The following ARHGAP24 variants were observed in gnomAD, a reference collection of about 807,000 sequenced individuals.
ARHGAP24 encodes the protein Rho GTPase activating protein 24, also known as rho GTPase-activating protein 24.
ARHGAP24 carries 50 observed loss-of-function variants against 76.4 expected under a neutral mutation model. The observed-to-expected ratio is 0.65, with a 90% CI of 0.52 to 0.83. The LOEUF is 0.83. Among genes scored for constraint, ARHGAP24 ranks in the 40% least tolerant of loss-of-function variants. ARHGAP24 has a pLI of 0.00. For synonymous variants in ARHGAP24, 345 were observed against 323.3 expected (o/e 1.07, Z -0.72); for missense variants, 930 against 914.2 (o/e 1.02, Z -0.22).
rs1333138659 is a variant in ARHGAP24 at position 85,643,224 on chromosome 4, GTTTT to G, written c.180+72507_180+72510del. The stretch of plus-strand genomic sequence containing the variant: ...GTTCTACTTTTCTTTTTTATTTTCC[GTTTT>G]TTTGTGTTTTTTTTTTTTTTTTTTT... On this transcript the variant is annotated intron_variant, in intron 2 of 9. Transcript: ENST00000395184. 3.9e-5 allele frequency among the ~76,000 whole-genome samples: 4 copies of G among 101,554 alleles called. 1 individual carries two copies. The highest frequency in any genetic ancestry group is 1.6e-4 in the African/African-American group (4 of 25,102). The allele number at this position is 101,554 out of a possible 152,430, so 66.6% of individuals were successfully genotyped here.
chr4:85,934,013 T>C (rs1736494762), intron 4 of ARHGAP24, among the ~76,000 whole-genome samples: 1 of 152,182 alleles, frequency 6.6e-6, no homozygotes, highest in African/African-American at 2.4e-5. Flanking sequence ...CCTTTATTGC[T>C]CCATGTATGC....
chr4:85,545,245 A>G (rs1725874088), intron 1 of ARHGAP24, among the ~76,000 whole-genome samples: 1 of 151,898 alleles, frequency 6.6e-6, no homozygotes, highest in South Asian at 2.1e-4. Context: ...GATTACAGGC[A>G]CCCACCACCA....
chr4:85,552,624 A>G (rs1726186268), intron 1 of ARHGAP24, among the ~76,000 whole-genome samples: 1 of 152,102 alleles, frequency 6.6e-6, no homozygotes, highest in Admixed American at 6.5e-5. Flanking sequence ...GGGTATTGAC[A>G]TCTCCCGTGA....
At chr4:85,714,715 A>G (rs1207649149) in intron 2 of ARHGAP24, among the ~76,000 whole-genome samples, 2 of 152,118 alleles carry the variant, frequency 1.3e-5, no homozygotes, top group Non-Finnish European at 1.5e-5. Context: ...AAAATTATGC[A>G]TCAGAATTAC....
At chr4:85,715,542 A>G (rs147627289) in intron 2 of ARHGAP24, among the ~76,000 whole-genome samples, 2 of 152,134 alleles carry the variant, frequency 1.3e-5, no homozygotes, top group East Asian at 3.9e-4. Context: ...GGGGAGAAAT[A>G]GTTTGCTTGA....
chr4:85,910,497 CA>C (rs1259091571), intron 3 of ARHGAP24, among the ~76,000 whole-genome samples: 1 of 152,156 alleles, frequency 6.6e-6, no homozygotes, highest in Non-Finnish European at 1.5e-5. Flanking sequence ...TTTCCACAGT[CA>C]GGGTGTCCCA....
At chr4:85,980,628 G>A (rs951376251) in intron 8 of ARHGAP24, among the ~76,000 whole-genome samples, 4 of 151,960 alleles carry the variant, frequency 2.6e-5, no homozygotes, top group Admixed American at 6.6e-5. Context: ...CTCCATTTTA[G>A]TCCTCATTTA....
chr4:85,959,665 G>A (rs1221499591), intron 5 of ARHGAP24, among the ~76,000 whole-genome samples: 11 of 152,126 alleles, frequency 7.2e-5, no homozygotes, highest in Admixed American at 6.5e-4. Context: ...TCCGTGATTC[G>A]TGTACAAGCT....
In ARHGAP24 at chr4:85,992,011, A is replaced by C. The variant is rs1740359455; in HGVS notation, c.929-2572A>C. Reference sequence around the variant, plus strand: ...AAAGTGCCTATTATGTGATATTTAGAGTCAACCTGTATAAAATTATATGGT... The same window carrying C: ...AAAGTGCCTATTATGTGATATTTAGCGTCAACCTGTATAAAATTATATGGT... On this transcript the variant is annotated intron_variant, in intron 8 of 9. Coordinates refer to ENST00000395184, the MANE Select transcript of ARHGAP24 (RefSeq NM_001025616.3). 1.3e-5 allele frequency: 5 copies of C among 395,002 alleles called. No homozygotes were observed. In the East Asian group the frequency reaches 1.8e-4, roughly 14 times the overall value. 24.5% of individuals were successfully genotyped at this position (395,002 alleles called of 1,614,324 possible).
chr4:85,703,472 C>T (rs1307094370), intron 2 of ARHGAP24, among the ~76,000 whole-genome samples: 1 of 152,068 alleles, frequency 6.6e-6, no homozygotes, highest in East Asian at 1.9e-4. Context: ...CATCAAAATA[C>T]CCCCAAGATA....
chr4:85,581,825 A>G lies in ARHGAP24; in HGVS notation c.180+11104A>G, dbSNP rs559663827. On this transcript the variant is annotated intron_variant, in intron 2 of 9. Coordinates refer to ENST00000395184, the MANE Select transcript of ARHGAP24 (RefSeq NM_001025616.3). ...CTACCTGTCAATTTCTGTTTTATAC[A>G]TATATAAAATACATGTGGTGGTAAA... is the stretch of plus-strand genomic sequence containing the variant. Among the ~76,000 whole-genome samples, 5 of 152,212 alleles carry G rather than the reference A, an allele frequency of 3.3e-5. No homozygotes were observed. In the East Asian group the frequency reaches 9.6e-4, roughly 29 times the overall value.
intron 1 of ARHGAP24, among the ~76,000 whole-genome samples, chr4:85,506,509 C>T (rs1347110971): frequency 6.6e-6 from 1 of 152,218 alleles, no homozygotes; most frequent in East Asian, 1.9e-4. Flanking sequence ...TACTGCTGCG[C>T]TAGCAGTGAG....
chr4:85,574,875 C>T (rs965531894), intron 2 of ARHGAP24, among the ~76,000 whole-genome samples: 1 of 152,162 alleles, frequency 6.6e-6, no homozygotes, highest in Non-Finnish European at 1.5e-5. Flanking sequence ...TTGCACCTTG[C>T]CTTCCAAATA....
At chr4:85,687,573 A>G (rs1476268141) in intron 2 of ARHGAP24, among the ~76,000 whole-genome samples, 2 of 152,178 alleles carry the variant, frequency 1.3e-5, no homozygotes, top group African/African-American at 4.8e-5. Context: ...CTGCATTCAT[A>G]TTGCAGCAAA....
At chr4:85,546,938 T>C (rs1298792855) in intron 1 of ARHGAP24, among the ~76,000 whole-genome samples, 2 of 152,360 alleles carry the variant, frequency 1.3e-5, no homozygotes, top group South Asian at 4.1e-4. Flanking sequence ...TATTTTTTTC[T>C]GAAGTGTTTG....
At chr4:85,916,545 A>G (rs1243827111) in intron 3 of ARHGAP24, among the ~76,000 whole-genome samples, 1 of 152,190 alleles carries the variant, frequency 6.6e-6, no homozygotes, top group Non-Finnish European at 1.5e-5. Flanking sequence ...TAGTTGTATG[A>G]GTGAAAATTA....
At chr4:85,655,553 A>T (rs1722108246) in intron 2 of ARHGAP24, among the ~76,000 whole-genome samples, 2 of 151,846 alleles carry the variant, frequency 1.3e-5, no homozygotes, top group East Asian at 3.9e-4. Flanking sequence ...AAGCCAAGGC[A>T]GGTGGATCAC....
chr4:85,636,207 CT>C (rs1721302705), intron 2 of ARHGAP24, among the ~76,000 whole-genome samples: 1 of 151,698 alleles, frequency 6.6e-6, no homozygotes, highest in Non-Finnish European at 1.5e-5. Flanking sequence ...CGCATCATCT[CT>C]CTTTATTGCC....
intron 1 of ARHGAP24, among the ~76,000 whole-genome samples, chr4:85,476,702 C>T (rs1722612932): frequency 6.6e-6 from 1 of 152,152 alleles, no homozygotes; most frequent in African/African-American, 2.4e-5. Context: ...CCAATTAGAA[C>T]TCAAAACCAA....
Sources: gnomAD v4.1 joint callset for allele counts (sites outside exome capture counted in the v4.1 genomes callset) on GRCh38, gnomAD v4.1.1 for gene constraint, MANE v1.5 for transcripts, NCBI Gene and HGNC (gene_info 2026-07-23, HGNC 2026-07-21) for gene names.